Variants in FUT8 observed in about 807,000 individuals in gnomAD.
The protein encoded by FUT8 is fucosyltransferase 8, also known as alpha-(1,6)-fucosyltransferase.
In FUT8, 29 loss-of-function variants were observed where a neutral mutation model predicts 71.3. The ratio of observed to expected loss-of-function variants is 0.41; its 90% CI spans 0.30 to 0.55. FUT8 has a LOEUF of 0.55. Ranked by LOEUF, FUT8 falls within the 20% of genes least tolerant of loss-of-function variation. The probability of loss-of-function intolerance (pLI) is 0.34; values close to 1 mark genes in which losing one functional copy is unlikely to be tolerated. For missense variants in FUT8, 544 were observed against 702.1 expected, an observed-to-expected ratio of 0.77 and a Z score of 2.55; for synonymous variants, 254 against 239.3, an observed-to-expected ratio of 1.06 and a Z score of -0.57.
At chr14:65,514,172 G>A (rs1882547348) in intron 2 of FUT8, among the ~76,000 whole-genome samples, 1 of 152,126 alleles carries the variant, frequency 6.6e-6, no homozygotes, top group Admixed American at 6.5e-5. Flanking sequence ...TCAAGGCAGG[G>A]TTGTCCCAGT....
chr14:65,724,392 C>G (rs1293273913), intron 9 of FUT8, 69 bp downstream of exon 9: 11 of 943,490 alleles, frequency 1.2e-5, no homozygotes, highest in Admixed American at 8.3e-5. Context: ...TCTTACTTCC[C>G]ATGACTTGTG....
chr14:65,683,784 C>T (rs1050001204), intron 7 of FUT8, among the ~76,000 whole-genome samples: 1 of 152,034 alleles, frequency 6.6e-6, no homozygotes, highest in Non-Finnish European at 1.5e-5. Context: ...TGTAGAATAG[C>T]ATCCATTGTA....
intron 3 of FUT8, among the ~76,000 whole-genome samples, chr14:65,573,418 C>T (rs1321550436): frequency 6.6e-6 from 1 of 151,288 alleles, no homozygotes. Context: ...GAAAATAATA[C>T]ATGTGCAAGA....
intron 6 of FUT8, among the ~76,000 whole-genome samples, chr14:65,636,919 T>G (rs551642201): frequency 5.3e-4 from 81 of 152,300 alleles, no homozygotes; most frequent in Middle Eastern, 6.8e-3. Flanking sequence ...AAGATTATAA[T>G]ACTCGGATTG....
chr14:65,742,308 T>C lies in FUT8; in HGVS notation c.1626T>C (p.Gly542=), dbSNP rs898187881. 6.2e-6 allele frequency: 10 copies of C among 1,612,846 alleles called. No individual in the cohort carries two copies. The highest frequency in any genetic ancestry group is 8.5e-6 in the Non-Finnish European group (10 of 1,179,320). The change falls in exon 11 of 11, where the codon GGT becomes GGC. Residue 542 remains glycine (G), a synonymous_variant. Transcript: ENST00000673929. ...AGNHWDGYSK[G]VNRKLGRTGL... The stretch of plus-strand genomic sequence containing the variant: ...ATCATTGGGATGGCTATTCTAAAGG[T>C]GTCAACAGGAAATTGGGAAGGACGG...
intron 7 of FUT8, among the ~76,000 whole-genome samples, chr14:65,710,427 C>T (rs766835461): frequency 9.9e-5 from 15 of 152,130 alleles, no homozygotes; most frequent in Non-Finnish European, 2.1e-4. Context: ...GGCTTTCTAA[C>T]ATAGCATGTA....
At chr14:65,446,604 G>A (rs1036965423) in intron 1 of FUT8, among the ~76,000 whole-genome samples, 1 of 149,372 alleles carries the variant, frequency 6.7e-6, no homozygotes, top group Non-Finnish European at 1.5e-5. Context: ...ATAAATACTT[G>A]ATTCTTTATT....
chr14:65,650,298 C>CA (rs869168766), intron 6 of FUT8, among the ~76,000 whole-genome samples: 18,608 of 39,652 alleles, frequency 0.47, 7,729 homozygotes, highest in Non-Finnish European at 0.59. Context: ...GACTCTGTCT[C>CA]AAAAAAAAAA....
At chr14:65,420,112 G>C (rs1250157856) in intron 1 of FUT8, among the ~76,000 whole-genome samples, 1 of 152,004 alleles carries the variant, frequency 6.6e-6, no homozygotes, top group Admixed American at 6.5e-5. Context: ...CAGAAACCTG[G>C]TAATGTGCAA....
chr14:65,720,029 T>C (rs961335349), intron 7 of FUT8, among the ~76,000 whole-genome samples: 1 of 152,212 alleles, frequency 6.6e-6, no homozygotes, highest in Non-Finnish European at 1.5e-5. Context: ...AGTCAGGCTT[T>C]TATCCATCCC....
chr14:65,415,555 T>C (rs146355355), intron 1 of FUT8, among the ~76,000 whole-genome samples: 39 of 152,338 alleles, frequency 2.6e-4, no homozygotes, highest in African/African-American at 8.9e-4. Context: ...TTGTGTGTTC[T>C]TAAATTTTGT....
chr14:65,617,007 A>G (rs1889319258), intron 5 of FUT8: 1 of 1,453,352 alleles, frequency 6.9e-7, no homozygotes. Context: ...TTCATGCAGA[A>G]CAAAATGTAT....
At chr14:65,720,945 AAG>A (rs1895383923) in intron 7 of FUT8, among the ~76,000 whole-genome samples, 1 of 152,050 alleles carries the variant, frequency 6.6e-6, no homozygotes, top group East Asian at 1.9e-4. Flanking sequence ...TTCCAGTGCA[AAG>A]TCCCACAATC....
At chr14:65,395,782 G>C in the FUT8 span, among the ~76,000 whole-genome samples, 2 of 152,250 alleles carry the variant, frequency 1.3e-5, no homozygotes, top group African/African-American at 4.8e-5. Flanking sequence ...TCTGCAGCCA[G>C]CTTGAATTTC....
rs2066279775 is a variant in FUT8 at position 65,478,378 on chromosome 14, G to C, written c.-228+22660G>C. ...TGACACTCTGAAGAAATGCTCACTGGAGCATTTTGGATTTGTGGATTTGAG... is the reference window on the plus strand; with the variant it reads ...TGACACTCTGAAGAAATGCTCACTGCAGCATTTTGGATTTGTGGATTTGAG... On this transcript the variant is annotated intron_variant, in intron 2 of 10. Transcript: ENST00000673929. 2.6e-5 allele frequency among the ~76,000 whole-genome samples: 4 copies of C among 152,052 alleles called. No individual in the cohort carries two copies. In the South Asian group the frequency reaches 8.3e-4, roughly 32 times the overall value.
intron 1 of FUT8, among the ~76,000 whole-genome samples, chr14:65,428,483 C>G (rs2065421860): frequency 1.3e-5 from 2 of 152,128 alleles, no homozygotes; most frequent in African/African-American, 4.8e-5. Flanking sequence ...CTTGCACTTC[C>G]TAGCCTCCAG....
the FUT8 span, among the ~76,000 whole-genome samples, chr14:65,380,231 A>T: frequency 2.6e-5 from 4 of 152,324 alleles, no homozygotes; most frequent in African/African-American, 7.2e-5. Context: ...ATGAGGAAGG[A>T]GCAAAAGCAG....
intron 7 of FUT8, among the ~76,000 whole-genome samples, chr14:65,714,239 T>C (rs1335848314): frequency 6.6e-6 from 1 of 152,188 alleles, no homozygotes. Context: ...TGTCTTTTTC[T>C]ATGCTAGAGC....
chr14:65,701,743 G>A (rs1010533531), intron 7 of FUT8, among the ~76,000 whole-genome samples: 3 of 152,094 alleles, frequency 2.0e-5, no homozygotes, highest in Non-Finnish European at 2.9e-5. Flanking sequence ...ATGCATGTTT[G>A]AAGTTTATAT....
Sources: gnomAD v4.1 joint callset for allele counts (sites outside exome capture counted in the v4.1 genomes callset) on GRCh38, gnomAD v4.1.1 for gene constraint, MANE v1.5 for transcripts, NCBI Gene and HGNC (gene_info 2026-07-23, HGNC 2026-07-21) for gene names.